Variants in ANKH observed in about 807,000 individuals in gnomAD.
ANKH encodes ANKH inorganic pyrophosphate transport regulator.
A neutral mutation model predicts 49.0 loss-of-function variants in ANKH; 15 were observed. That is an observed-to-expected ratio of 0.31 (90% CI 0.20 to 0.47). The LOEUF is 0.47. Among genes scored for constraint, ANKH ranks in the 20% least tolerant of loss-of-function variants. The probability of loss-of-function intolerance (pLI) is 1.00; values close to 1 mark genes in which losing one functional copy is unlikely to be tolerated. For synonymous variants in ANKH, 273 were observed against 260.0 expected, an observed-to-expected ratio of 1.05 and a Z score of -0.48; for missense variants, 429 against 652.0, an observed-to-expected ratio of 0.66 and a Z score of 3.72.
intron 1 of ANKH, among the ~76,000 whole-genome samples, chr5:14,833,559 A>G (rs1461972518): frequency 6.6e-6 from 1 of 152,188 alleles, no homozygotes; most frequent in Non-Finnish European, 1.5e-5. Flanking sequence ...TCCCAAAGCT[A>G]CAAGAGAAAA....
chr5:14,747,411 C>T (rs2126477023), intron 6 of ANKH, among the ~76,000 whole-genome samples: 1 of 152,096 alleles, frequency 6.6e-6, no homozygotes, highest in East Asian at 1.9e-4. Context: ...GAGACACCGT[C>T]TCTACAAAAG....
chr5:14,707,976 C>T lies in ANKH; in HGVS notation c.*3221G>A, dbSNP rs1324773085. On this transcript the variant is annotated 3_prime_UTR_variant, in exon 12 of 12. Transcript: ENST00000284268. ...TGTGCCCCATTTAAAGAATCCCAAA[C>T]GGGAGAGTTTCCTGCCAATGTGCAA... 6.6e-6 allele frequency: 1 copy of T among 152,162 alleles called. No individual in the cohort carries two copies. Among genetic ancestry groups the T allele is most frequent in the Non-Finnish European group, 1.5e-5 (1 of 68,024 alleles). 9.4% of individuals were successfully genotyped at this position (152,162 alleles called of 1,614,324 possible).
intron 1 of ANKH, among the ~76,000 whole-genome samples, chr5:14,786,935 A>G (rs1739996902): frequency 6.6e-6 from 1 of 152,222 alleles, no homozygotes; most frequent in Non-Finnish European, 1.5e-5. Context: ...AACATAGGAA[A>G]GGTTAAATAA....
At chr5:14,717,793 TATACTTAC>T (rs766070273) in intron 8 of ANKH, among the ~76,000 whole-genome samples, 6 of 152,190 alleles carry the variant, frequency 3.9e-5, no homozygotes, top group Admixed American at 6.5e-5. Flanking sequence ...ATTTTTGCAT[TATACTTAC>T]AGGTTACACA....
intron 1 of ANKH, among the ~76,000 whole-genome samples, chr5:14,782,397 C>T (rs1580063484): frequency 6.6e-6 from 1 of 152,134 alleles, no homozygotes; most frequent in Non-Finnish European, 1.5e-5. Context: ...AGGGTGGACA[C>T]AAAGCTCAGA....
At position 14,743,587 on chromosome 5, in the gene ANKH, G is replaced by A. The variant is rs561116962; in HGVS notation, c.916-1665C>T. ...GCTAGAACTCCCGGAAGGTATGTGA[G>A]AAATTTTAAATCTCTGATTCTGGAG... is the stretch of plus-strand genomic sequence containing the variant. On this transcript the variant is annotated intron_variant, in intron 7 of 11. Coordinates refer to ENST00000284268, the MANE Select transcript of ANKH (RefSeq NM_054027.6). Among the ~76,000 whole-genome samples, 4 of 152,338 alleles carry A rather than the reference G, an allele frequency of 2.6e-5. No individual in the cohort carries two copies. The South Asian group carries it at 8.3e-4, about 32-fold the overall frequency.
intron 8 of ANKH, among the ~76,000 whole-genome samples, chr5:14,738,369 A>C (rs2126460879): frequency 6.6e-6 from 1 of 152,292 alleles, no homozygotes; most frequent in South Asian, 2.1e-4. Context: ...TTTCCTTTGA[A>C]TCACTGAGTC....
chr5:14,844,382 C>A (rs879750148), intron 1 of ANKH, among the ~76,000 whole-genome samples: 2 of 152,178 alleles, frequency 1.3e-5, no homozygotes, highest in Non-Finnish European at 2.9e-5. Flanking sequence ...AGTGCTTTTG[C>A]CAAATTTCTT....
chr5:14,799,552 T>C (rs1740499413), intron 1 of ANKH, among the ~76,000 whole-genome samples: 1 of 152,210 alleles, frequency 6.6e-6, no homozygotes, highest in African/African-American at 2.4e-5. Flanking sequence ...CTGACGCCAA[T>C]GCTCATTTAC....
chr5:14,775,410 C>A (rs1246018826), intron 1 of ANKH, among the ~76,000 whole-genome samples: 2 of 152,128 alleles, frequency 1.3e-5, no homozygotes, highest in Non-Finnish European at 2.9e-5. Flanking sequence ...ACAATTATAA[C>A]AATATACTGT....
At chr5:14,738,681 C>T (rs1156310887) in intron 8 of ANKH, among the ~76,000 whole-genome samples, 1 of 151,826 alleles carries the variant, frequency 6.6e-6, no homozygotes, top group Non-Finnish European at 1.5e-5. Context: ...CTAATCCCAG[C>T]ATTTTAGGAG....
At chr5:14,862,558 G>A (rs940629258) in intron 1 of ANKH, among the ~76,000 whole-genome samples, 1 of 152,146 alleles carries the variant, frequency 6.6e-6, no homozygotes, top group African/African-American at 2.4e-5. Flanking sequence ...CCCCAGCAGA[G>A]CATTTAGAGA....
intron 1 of ANKH, among the ~76,000 whole-genome samples, chr5:14,813,239 T>A (rs1456261505): frequency 7.5e-6 from 1 of 133,148 alleles, no homozygotes; most frequent in Admixed American, 7.5e-5. Context: ...AAATGGCTAT[T>A]TAAAAAAAAA....
chr5:14,758,277 C>T (rs924678617), intron 3 of ANKH, among the ~76,000 whole-genome samples: 3 of 152,026 alleles, frequency 2.0e-5, no homozygotes, highest in South Asian at 2.1e-4. Flanking sequence ...GGGAGGGGGC[C>T]GAGGAGGGTT....
chr5:14,775,285 T>C (rs767696377), intron 1 of ANKH, among the ~76,000 whole-genome samples: 9 of 152,076 alleles, frequency 5.9e-5, no homozygotes, highest in Non-Finnish European at 1.0e-4. Flanking sequence ...CCCAGGCTGG[T>C]CTTGGCTGAA....
At chr5:14,727,045 T>C (rs1737844582) in intron 8 of ANKH, among the ~76,000 whole-genome samples, 1 of 152,130 alleles carries the variant, frequency 6.6e-6, no homozygotes. Flanking sequence ...TCACAGGCAG[T>C]GGGGACACGG....
At chr5:14,849,807 G>A (rs917895403) in intron 1 of ANKH, among the ~76,000 whole-genome samples, 1 of 152,154 alleles carries the variant, frequency 6.6e-6, no homozygotes, top group Non-Finnish European at 1.5e-5. Context: ...CCAGGCAGAC[G>A]CTGCTTGTCA....
chr5:14,749,260 G>A lies in ANKH; in HGVS notation c.734C>T (p.Ala245Val), dbSNP rs1368549875. 6.2e-7 allele frequency: 1 copy of A among 1,614,184 alleles called. No homozygotes were observed. The highest frequency in any genetic ancestry group is 8.5e-7 in the Non-Finnish European group (1 of 1,180,022). Residue 245 changes from alanine (A) to valine (V), a missense_variant, in exon 6 of 12, where the codon GCT becomes GTT. Physicochemically the swap from Ala to Val is moderately conservative, Grantham distance 64. Around this residue, in one of 2 missense-constraint regions of ANKH, gnomAD observed 378 missense variants for 615.3 expected, o/e 0.61. Coordinates refer to ENST00000284268, the MANE Select transcript of ANKH (RefSeq NM_054027.6). ...RKMLSFWWPL[A>V]LILATQRISR... ...GATTCTCTGTGTGGCCAGAATTAGA[G>A]CCAAAGGCCACCAGAAGCTCAGCAT...
intron 1 of ANKH, among the ~76,000 whole-genome samples, chr5:14,838,464 C>T (rs1234204278): frequency 6.6e-6 from 1 of 151,748 alleles, no homozygotes; most frequent in African/African-American, 2.4e-5. Flanking sequence ...AAATCACAGC[C>T]TGGAGCAGTG....
Sources: gnomAD v4.1 joint callset for allele counts (sites outside exome capture counted in the v4.1 genomes callset) on GRCh38, gnomAD v4.1.1 for gene constraint, gnomAD v4.1.1 regional missense constraint, MANE v1.5 for transcripts, NCBI Gene and HGNC (gene_info 2026-07-23, HGNC 2026-07-21) for gene names.